Variants in CHRM3 observed in about 807,000 individuals in gnomAD.
CHRM3 encodes cholinergic receptor muscarinic 3, also known as muscarinic acetylcholine receptor M3.
Under a neutral mutation model 41.8 loss-of-function variants are expected in CHRM3, and 11 were observed. The ratio of observed to expected loss-of-function variants is 0.26; its 90% CI spans 0.17 to 0.44. The LOEUF (loss-of-function observed/expected upper bound fraction) is 0.44, where lower values mean the gene tolerates loss of function less well. Among genes scored for constraint, CHRM3 ranks in the 20% least tolerant of loss-of-function variants. The pLI is 1.00. For synonymous variants in CHRM3, 297 were observed against 301.4 expected, an observed-to-expected ratio of 0.99 and a Z score of 0.15; for missense variants, 571 against 745.4, an observed-to-expected ratio of 0.77 and a Z score of 2.72.
chr1:239,435,407 C>G (rs572398850), intron 1 of CHRM3, among the ~76,000 whole-genome samples: 1 of 151,092 alleles, frequency 6.6e-6, no homozygotes, highest in Non-Finnish European at 1.5e-5. Flanking sequence ...CGAGATTGCA[C>G]CACTGCACTC....
chr1:239,724,399 T>C (rs1280035476), intron 5 of CHRM3, among the ~76,000 whole-genome samples: 1 of 151,956 alleles, frequency 6.6e-6, no homozygotes, highest in African/African-American at 2.4e-5. Flanking sequence ...TATCACCATA[T>C]ATGGTAGTGG....
chr1:239,395,134 C>A (rs1659368440), intron 1 of CHRM3, among the ~76,000 whole-genome samples: 2 of 152,138 alleles, frequency 1.3e-5, no homozygotes, highest in East Asian at 1.9e-4. Flanking sequence ...TCTCTTCTCT[C>A]CTCTGGTTCT....
chr1:239,668,458 G>A (rs1227658051), intron 4 of CHRM3, among the ~76,000 whole-genome samples: 1 of 152,014 alleles, frequency 6.6e-6, no homozygotes. Context: ...TTTAGTCTGA[G>A]CATTGCTTCC....
At chr1:239,507,821 C>T (rs1339947884) in intron 2 of CHRM3, among the ~76,000 whole-genome samples, 1 of 152,106 alleles carries the variant, frequency 6.6e-6, no homozygotes, top group Non-Finnish European at 1.5e-5. Context: ...ACTTGGGGGG[C>T]TTAGGATGCC....
At chr1:239,462,029 A>G (rs1665398479) in intron 1 of CHRM3, among the ~76,000 whole-genome samples, 1 of 152,160 alleles carries the variant, frequency 6.6e-6, no homozygotes. Context: ...GGATATAAAT[A>G]CTATTTCTAA....
intron 4 of CHRM3, among the ~76,000 whole-genome samples, chr1:239,661,850 T>C (rs1673225365): frequency 6.6e-6 from 1 of 152,144 alleles, no homozygotes. Context: ...TCACTTGTTA[T>C]AACAAATATG....
chr1:239,535,063 A>G (rs1658061072), intron 2 of CHRM3, among the ~76,000 whole-genome samples: 1 of 152,194 alleles, frequency 6.6e-6, no homozygotes, highest in African/African-American at 2.4e-5. Context: ...ATCTTTTAGT[A>G]TTTGCAGCCT....
intron 4 of CHRM3, among the ~76,000 whole-genome samples, chr1:239,670,259 C>G (rs12745112): frequency 0.031 from 4,740 of 152,246 alleles, 129 homozygotes; most frequent in Middle Eastern, 0.13. Flanking sequence ...ATGCCACCCC[C>G]ACCCCAAGCC....
chr1:239,665,690 G>T (rs1408784962), intron 4 of CHRM3, among the ~76,000 whole-genome samples: 1 of 151,902 alleles, frequency 6.6e-6, no homozygotes, highest in Non-Finnish European at 1.5e-5. Flanking sequence ...CCCCCGACTG[G>T]CCCCAGTGTG....
rs149247025 is a variant in CHRM3, at chr1:239,817,875, G to A, written c.-146-9377G>A. Among the ~76,000 whole-genome samples the A allele has an allele frequency of 2.2e-4, 33 of 152,198 alleles. No individual in the cohort carries two copies. The South Asian group carries it at 6.0e-3, about 28-fold the overall frequency. On this transcript the variant is annotated intron_variant, in intron 5 of 6. Coordinates refer to ENST00000676153, the MANE Select transcript of CHRM3 (RefSeq NM_001375978.1). ...ATGTCAGGTGCCACTTACTAGCCAC[G>A]CGACTTTAGAGAAATGACTTTCCTT... is the stretch of plus-strand genomic sequence containing the variant.
chr1:239,550,612 A>C (rs1001992947), intron 3 of CHRM3, among the ~76,000 whole-genome samples: 3 of 152,242 alleles, frequency 2.0e-5, no homozygotes, highest in African/African-American at 7.2e-5. Flanking sequence ...ATCTGTAAAA[A>C]GTATGACCAG....
intron 6 of CHRM3, among the ~76,000 whole-genome samples, chr1:239,849,442 G>T (rs1435263072): frequency 6.6e-6 from 1 of 152,146 alleles, no homozygotes; most frequent in Non-Finnish European, 1.5e-5. Context: ...TGCATATAAA[G>T]GTTGTTGACT....
intron 4 of CHRM3, among the ~76,000 whole-genome samples, chr1:239,672,105 G>C (rs1674433286): frequency 1.3e-5 from 2 of 152,092 alleles, no homozygotes; most frequent in South Asian, 4.2e-4. Context: ...GCCCTCTATT[G>C]ATGTTTTAGT....
intron 4 of CHRM3, among the ~76,000 whole-genome samples, chr1:239,659,044 G>T (rs1230592836): frequency 6.6e-6 from 1 of 151,944 alleles, no homozygotes; most frequent in Non-Finnish European, 1.5e-5. Context: ...GCCCTGGTTT[G>T]ATTTTTAATA....
chr1:239,476,748 T>G (rs1220297780), intron 1 of CHRM3, among the ~76,000 whole-genome samples: 2 of 152,196 alleles, frequency 1.3e-5, no homozygotes, highest in African/African-American at 4.8e-5. Context: ...AAGTTACTTT[T>G]TAAAAGCATG....
chr1:239,427,175 G>A (rs1662455929), intron 1 of CHRM3, among the ~76,000 whole-genome samples: 1 of 152,166 alleles, frequency 6.6e-6, no homozygotes, highest in African/African-American at 2.4e-5. Flanking sequence ...GAATAAGAGG[G>A]AGTGTTAGTC....
rs1346364122 is a variant in CHRM3, at chr1:239,748,244, T to C, written c.-147+69956T>C. On this transcript the variant is annotated intron_variant, in intron 5 of 6. Transcript: ENST00000676153. The surrounding 1 kb of genome is among the most constrained non-coding windows in gnomAD (Gnocchi z 4.3). ...TGAAGATGTATTGTATATCGTTAAA[T>C]AACTGCTTTTTATCATTAATTCTCA... Among the ~76,000 whole-genome samples the C allele has an allele frequency of 6.6e-6, 1 of 152,254 alleles. No individual in the cohort carries two copies. Among genetic ancestry groups the C allele is most frequent in the Non-Finnish European group, 1.5e-5 (1 of 68,038 alleles).
At chr1:239,755,592 A>G (rs1666176199) in intron 5 of CHRM3, among the ~76,000 whole-genome samples, 1 of 152,248 alleles carries the variant, frequency 6.6e-6, no homozygotes, top group Non-Finnish European at 1.5e-5. Context: ...GGGTACAGAA[A>G]AAGGGTATGA....
intron 4 of CHRM3, among the ~76,000 whole-genome samples, chr1:239,645,331 T>A (rs1029098495): frequency 2.0e-5 from 3 of 152,198 alleles, no homozygotes; most frequent in Non-Finnish European, 2.9e-5. Flanking sequence ...AGCCTTATAG[T>A]TAGGTTCGAA....
Sources: gnomAD v4.1 joint callset for allele counts (sites outside exome capture counted in the v4.1 genomes callset) on GRCh38, gnomAD v4.1.1 for gene constraint, Gnocchi (gnomAD v3.1) non-coding constraint, MANE v1.5 for transcripts, NCBI Gene and HGNC (gene_info 2026-07-23, HGNC 2026-07-21) for gene names.